Variants in NHSL1 observed in about 807,000 individuals in gnomAD.
NHSL1 encodes NHS like 1, also known as NHS-like protein 1.
Under a neutral mutation model 95.0 loss-of-function variants are expected in NHSL1, and 48 were observed. The observed-to-expected ratio is 0.51, with a 90% CI of 0.40 to 0.64. NHSL1 has a LOEUF of 0.64. Ranked by LOEUF, NHSL1 falls within the 30% of genes least tolerant of loss-of-function variation. The probability of loss-of-function intolerance (pLI) is 0.00; values close to 1 mark genes in which losing one functional copy is unlikely to be tolerated. For synonymous variants in NHSL1, 783 were observed against 833.9 expected (o/e 0.94, Z 1.05); for missense variants, 1,971 against 2,077.7 (o/e 0.95, Z 1.00).
intron 1 of NHSL1, among the ~76,000 whole-genome samples, chr6:138,595,490 C>T (rs1784291751): frequency 6.6e-6 from 1 of 152,190 alleles, no homozygotes; most frequent in African/African-American, 2.4e-5. Flanking sequence ...GTGGGAGGAT[C>T]ACTTGTGCCC....
upstream of NHSL1, among the ~76,000 whole-genome samples, chr6:138,576,855 GTCACTTACCCA>G (rs1783980401): frequency 6.6e-6 from 1 of 152,110 alleles, no homozygotes; most frequent in Non-Finnish European, 1.5e-5. Context: ...ACATTTGAGG[GTCACTTACCCA>G]TCACTGCTGA....
chr6:138,542,333 T>C (rs1782616261), intron 1 of NHSL1, among the ~76,000 whole-genome samples: 1 of 152,202 alleles, frequency 6.6e-6, no homozygotes, highest in African/African-American at 2.4e-5. Flanking sequence ...CCTCTAGAAC[T>C]GTGAGAGAAT....
At chr6:138,654,410 T>A (rs1785130203) in intron 1 of NHSL1, among the ~76,000 whole-genome samples, 1 of 152,242 alleles carries the variant, frequency 6.6e-6, no homozygotes, top group African/African-American at 2.4e-5. Flanking sequence ...GCATATCCTT[T>A]GACCCAGCAA....
At position 138,445,647 on chromosome 6, in the gene NHSL1, T is replaced by A. The variant is rs55785161; in HGVS notation, c.532+1354A>T. Among the ~76,000 whole-genome samples, 4 of 152,116 alleles carry A rather than the reference T, an allele frequency of 2.6e-5. No homozygotes were observed. In the East Asian group the frequency reaches 5.8e-4, roughly 22 times the overall value. On this transcript the variant is annotated intron_variant, in intron 4 of 7. Coordinates refer to ENST00000343505, the MANE Select transcript of NHSL1 (RefSeq NM_001144060.2). Reference sequence around the variant, plus strand: ...AATTTCTAAATATCTGGTAAGGTTTTAAAAAAAATCTTCGGTGACTATGAA... The same window carrying A: ...AATTTCTAAATATCTGGTAAGGTTTAAAAAAAAATCTTCGGTGACTATGAA...
At chr6:138,446,228 G>A (rs1776856657) in intron 4 of NHSL1, among the ~76,000 whole-genome samples, 1 of 151,834 alleles carries the variant, frequency 6.6e-6, no homozygotes, top group Middle Eastern at 3.2e-3. Flanking sequence ...GTACAGACAG[G>A]GTTTCACCAC....
chr6:138,639,377 G>A (rs933111151), intron 1 of NHSL1, among the ~76,000 whole-genome samples: 6 of 151,758 alleles, frequency 4.0e-5, no homozygotes, highest in African/African-American at 7.3e-5. Context: ...AATGGCTCAC[G>A]CCTGTAATCC....
chr6:138,449,288 A>T (rs1378694407), intron 3 of NHSL1, among the ~76,000 whole-genome samples: 1 of 152,204 alleles, frequency 6.6e-6, no homozygotes, highest in Non-Finnish European at 1.5e-5. Flanking sequence ...CCTTTGCTGT[A>T]AAATGGGGCT....
chr6:138,424,913 T>C lies in NHSL1; in HGVS notation c.4086-97A>G, dbSNP rs1035569920. Reference sequence around the variant, plus strand: ...CTCTTATCGCATCTTCAGGTCACCATCTACTTAAGATTCACTTTCAAAAAA... The same window carrying C: ...CTCTTATCGCATCTTCAGGTCACCACCTACTTAAGATTCACTTTCAAAAAA... On this transcript the variant is annotated intron_variant, in intron 7 of 7. Coordinates refer to ENST00000343505, the MANE Select transcript of NHSL1 (RefSeq NM_001144060.2). This position sits in a 1 kb window ranked among gnomAD's most constrained non-coding sequence, Gnocchi z 5.9. 3.0e-6 allele frequency: 3 copies of C among 995,952 alleles called. No homozygotes were observed. The highest frequency in any genetic ancestry group is 2.8e-5 in the Admixed American group (1 of 35,800). 61.7% of individuals were successfully genotyped at this position (995,952 alleles called of 1,614,324 possible).
At chr6:138,444,271 T>C (rs1448399886) in intron 4 of NHSL1, among the ~76,000 whole-genome samples, 1 of 148,236 alleles carries the variant, frequency 6.7e-6, no homozygotes, top group African/African-American at 2.5e-5. Context: ...CTCTTTTAAA[T>C]TAAAAAAAAA....
chr6:138,541,579 AG>A (rs1326985933), intron 1 of NHSL1, among the ~76,000 whole-genome samples: 1 of 151,980 alleles, frequency 6.6e-6, no homozygotes, highest in Admixed American at 6.5e-5. Flanking sequence ...GATAAGCAGG[AG>A]AATGTTGAAA....
rs1782765187 is a variant in NHSL1, at chr6:138,545,710, C to T, written c.-72G>A. ...CCTGCAGTGCTAGGCACAGCTGTCTCCCAGCCCACCTCCTCAGCGCTCACT... is the reference window on the plus strand; with the variant it reads ...CCTGCAGTGCTAGGCACAGCTGTCTTCCAGCCCACCTCCTCAGCGCTCACT... On this transcript the variant is annotated 5_prime_UTR_variant, in exon 1 of 5. Coordinates refer to the NHSL1 transcript ENST00000342260. 9 of 1,280,282 alleles carry T rather than the reference C, an allele frequency of 7.0e-6. No individual in the cohort carries two copies. In the South Asian group the frequency reaches 1.1e-4, roughly 16 times the overall value. The allele number at this position is 1,280,282 out of a possible 1,614,324, so 79.3% of individuals were successfully genotyped here. A position where few individuals can be genotyped will look rare whatever the true frequency, so the allele number is the denominator to read the frequency against.
At chr6:138,652,000 T>A (rs187748827) in intron 1 of NHSL1, among the ~76,000 whole-genome samples, 62 of 152,350 alleles carry the variant, frequency 4.1e-4, no homozygotes, top group African/African-American at 1.4e-3. Context: ...TGAAACTGTA[T>A]CAGAACATTA....
At chr6:138,428,981 G>A (rs1240874774) in intron 7 of NHSL1, among the ~76,000 whole-genome samples, 2 of 152,220 alleles carry the variant, frequency 1.3e-5, no homozygotes, top group African/African-American at 4.8e-5. Flanking sequence ...TGTGGGAGTA[G>A]TCAGCTGTTT....
At chr6:138,552,342 C>T (rs1783039103) in intron 1 of NHSL1, among the ~76,000 whole-genome samples, 1 of 152,114 alleles carries the variant, frequency 6.6e-6, no homozygotes, top group South Asian at 2.1e-4. Flanking sequence ...ATCGCTTGAA[C>T]CCGGGAGGTG....
chr6:138,586,351 T>C (rs34202255), intron 1 of NHSL1, among the ~76,000 whole-genome samples: 27,601 of 152,094 alleles, frequency 0.18, 3,206 homozygotes, highest in East Asian at 0.38. Context: ...CACCTTGGCC[T>C]CCCAAAGAGC....
chr6:138,564,579 C>T (rs148684405), intron 1 of NHSL1, among the ~76,000 whole-genome samples: 6 of 151,932 alleles, frequency 3.9e-5, no homozygotes, highest in African/African-American at 1.5e-4. Flanking sequence ...CACAAAGCAC[C>T]ATTTAATCGA....
At chr6:138,632,977 CA>C (rs1282993478) in intron 1 of NHSL1, among the ~76,000 whole-genome samples, 28 of 151,982 alleles carry the variant, frequency 1.8e-4, no homozygotes, top group African/African-American at 6.5e-4. Context: ...GAAAAGGAAT[CA>C]GAATTCTATC....
chr6:138,458,197 T>C (rs1777745422), intron 3 of NHSL1, among the ~76,000 whole-genome samples: 1 of 152,174 alleles, frequency 6.6e-6, no homozygotes, highest in Admixed American at 6.5e-5. Context: ...TTAGGTCTAT[T>C]TCTAGACTTC....
At chr6:138,460,869 A>G (rs1224067200) in intron 3 of NHSL1, among the ~76,000 whole-genome samples, 1 of 151,414 alleles carries the variant, frequency 6.6e-6, no homozygotes, top group Non-Finnish European at 1.5e-5. Flanking sequence ...TGGTGAACTC[A>G]ATATCCATAG....
Sources: gnomAD v4.1 joint callset for allele counts (sites outside exome capture counted in the v4.1 genomes callset) on GRCh38, gnomAD v4.1.1 for gene constraint, Gnocchi (gnomAD v3.1) non-coding constraint, MANE v1.5 for transcripts, NCBI Gene and HGNC (gene_info 2026-07-23, HGNC 2026-07-21) for gene names.